Variants in ABCG2 observed in about 807,000 individuals in gnomAD.
The protein encoded by ABCG2 is ATP binding cassette subfamily G member 2 (JR blood group).
A neutral mutation model predicts 73.5 loss-of-function variants in ABCG2; 80 were observed. The observed-to-expected ratio is 1.09, with a 90% CI of 0.91 to 1.31. ABCG2 has a LOEUF of 1.31. ABCG2 is among the 50% of genes most tolerant of loss of function. The pLI is 0.00. For synonymous variants in ABCG2, 269 were observed against 282.4 expected (o/e 0.95, Z 0.48); for missense variants, 796 against 786.2 (o/e 1.01, Z -0.15).
intron 1 of ABCG2, among the ~76,000 whole-genome samples, chr4:88,192,519 A>C (rs1728730193): frequency 6.6e-6 from 1 of 151,740 alleles, no homozygotes; most frequent in Non-Finnish European, 1.5e-5. Flanking sequence ...TTCCAGGTTC[A>C]AGTGATTCTC....
At chr4:88,096,024 G>T (rs553981137) in intron 13 of ABCG2, among the ~76,000 whole-genome samples, 1 of 152,158 alleles carries the variant, frequency 6.6e-6, no homozygotes, top group African/African-American at 2.4e-5. Context: ...AATCCTGAGC[G>T]TCACATGCCC....
At chr4:88,120,513 C>T (rs745901954) in intron 6 of ABCG2, among the ~76,000 whole-genome samples, 5 of 152,230 alleles carry the variant, frequency 3.3e-5, no homozygotes, top group Non-Finnish European at 7.3e-5. Flanking sequence ...GAGCCCACCT[C>T]TTGCATCAGT....
At chr4:88,155,739 T>C (rs1219410480) in intron 1 of ABCG2, among the ~76,000 whole-genome samples, 1 of 151,252 alleles carries the variant, frequency 6.6e-6, no homozygotes, top group African/African-American at 2.4e-5. Flanking sequence ...ACCTCGTCTT[T>C]ACTAAAAACA....
At chr4:88,148,710 G>T (rs192365804) in intron 1 of ABCG2, among the ~76,000 whole-genome samples, 7 of 152,222 alleles carry the variant, frequency 4.6e-5, no homozygotes, top group Admixed American at 3.3e-4. Context: ...CTAATCTTTG[G>T]TTTTTTTAAT....
chr4:88,160,102 G>T (rs45469391), upstream of ABCG2, among the ~76,000 whole-genome samples: 5 of 152,006 alleles, frequency 3.3e-5, no homozygotes, highest in African/African-American at 1.2e-4. Context: ...AGTTAGCTGG[G>T]TGTGGTGGCG....
Position 88,132,558 on chromosome 4 carries a change from A to G in ABCG2, c.263+18T>C. On this transcript the variant is annotated intron_variant, in intron 3 of 15. Transcript: ENST00000237612. ...AAAAGTGCACAGAAAACGCTTACTT[A>G]TACTCTCTTATACTCACGAAGATTT... 1.9e-6 allele frequency: 3 copies of G among 1,613,844 alleles called. No individual in the cohort carries two copies. The highest frequency in any genetic ancestry group is 8.5e-7 in the Non-Finnish European group (1 of 1,179,792).
intron 10 of ABCG2, among the ~76,000 whole-genome samples, chr4:88,102,363 C>A (rs113822702): frequency 1.3e-5 from 2 of 152,022 alleles, no homozygotes; most frequent in Admixed American, 1.3e-4. Flanking sequence ...TATGGGAGGC[C>A]GGGTCGGGAG....
intron 1 of ABCG2, among the ~76,000 whole-genome samples, chr4:88,219,023 G>A (rs75188535): frequency 0.013 from 1,982 of 152,332 alleles, 18 homozygotes; most frequent in Middle Eastern, 0.075. Flanking sequence ...CTGGGAATTG[G>A]GAACCTAAGC....
intron 5 of ABCG2, among the ~76,000 whole-genome samples, chr4:88,127,933 G>T (rs1724546673): frequency 6.8e-6 from 1 of 146,206 alleles, no homozygotes; most frequent in South Asian, 2.2e-4. Flanking sequence ...ACACTAAAGA[G>T]CTTCTGCACA....
chr4:88,166,822 GAGAA>G (rs1311995517), intron 1 of ABCG2, among the ~76,000 whole-genome samples: 1 of 152,172 alleles, frequency 6.6e-6, no homozygotes, highest in Non-Finnish European at 1.5e-5. Context: ...AATAGACAGA[GAGAA>G]AGAAAGTACA....
chr4:88,142,260 T>C (rs1376085633), intron 1 of ABCG2, among the ~76,000 whole-genome samples: 1 of 152,024 alleles, frequency 6.6e-6, no homozygotes, highest in South Asian at 2.1e-4. Context: ...TACTGGCCAG[T>C]ATTTTCCAAA....
intron 15 of ABCG2, 63 bp downstream of exon 15, chr4:88,094,514 T>G (rs565740234): frequency 7.1e-7 from 1 of 1,416,700 alleles, no homozygotes; most frequent in South Asian, 1.2e-5. Context: ...CTAAGCCCAG[T>G]AGCCTTTATA....
chr4:88,194,309 G>C (rs1728839284), intron 1 of ABCG2, among the ~76,000 whole-genome samples: 1 of 151,624 alleles, frequency 6.6e-6, no homozygotes, highest in Admixed American at 6.6e-5. Flanking sequence ...TCAGCACTTT[G>C]GGAGGCCGAG....
chr4:88,207,394 C>T (rs897987709), intron 1 of ABCG2, among the ~76,000 whole-genome samples: 2 of 152,068 alleles, frequency 1.3e-5, no homozygotes, highest in Non-Finnish European at 1.5e-5. Flanking sequence ...ATAAACAGGT[C>T]TACATCCTAG....
chr4:88,181,560 A>C (rs192330207), intron 1 of ABCG2, among the ~76,000 whole-genome samples: 6 of 152,248 alleles, frequency 3.9e-5, no homozygotes, highest in African/African-American at 1.4e-4. Flanking sequence ...GGGAGACCCC[A>C]CACCTACAAA....
At chr4:88,215,852 T>C (rs772728822) in intron 1 of ABCG2, among the ~76,000 whole-genome samples, 2 of 152,250 alleles carry the variant, frequency 1.3e-5, no homozygotes, top group Non-Finnish European at 2.9e-5. Context: ...GAAACCTAAC[T>C]CGAGTTGCCA....
At chr4:88,176,154 C>CTCGGTTTT (rs1335004081) in intron 1 of ABCG2, among the ~76,000 whole-genome samples, 5 of 125,864 alleles carry the variant, frequency 4.0e-5, no homozygotes, top group African/African-American at 1.4e-4. Flanking sequence ...TATGATTATT[C>CTCGGTTTT]TTGTTTTTTT....
At chr4:88,138,503 C>G (rs949244212) in intron 2 of ABCG2, among the ~76,000 whole-genome samples, 2 of 152,186 alleles carry the variant, frequency 1.3e-5, no homozygotes, top group African/African-American at 2.4e-5. Context: ...AAATTCTCAT[C>G]AGCTTTTTTG....
At chr4:88,123,048 GACCTGCAGCAA>G (rs1724123107) in intron 5 of ABCG2, among the ~76,000 whole-genome samples, 1 of 152,176 alleles carries the variant, frequency 6.6e-6, no homozygotes, top group African/African-American at 2.4e-5. Context: ...GTCTGGAGTG[GACCTGCAGCAA>G]ACTCCAGCAG....
Sources: allele counts gnomAD v4.1 joint callset (sites outside exome capture counted in the v4.1 genomes callset), GRCh38; gene constraint gnomAD v4.1.1; transcripts MANE v1.5; gene names NCBI Gene and HGNC (gene_info 2026-07-23, HGNC 2026-07-21).